HSPB8: variants seen among roughly 807,000 people sequenced by gnomAD.
HSPB8 encodes heat shock protein family B (small) member 8.
In HSPB8, 9 loss-of-function variants were observed where a neutral mutation model predicts 16.5. That is an observed-to-expected ratio of 0.55 (90% CI 0.33 to 0.95). HSPB8 has a LOEUF of 0.95. HSPB8 is among the 40% of genes least tolerant of loss of function. The pLI, the probability that HSPB8 is intolerant of heterozygous loss-of-function variation, is 0.03. For synonymous variants in HSPB8, 99 were observed against 94.8 expected, an observed-to-expected ratio of 1.04 and a Z score of -0.26; for missense variants, 238 against 251.2, an observed-to-expected ratio of 0.95 and a Z score of 0.35.
Position 119,179,242 on chromosome 12 carries a change from T to C in HSPB8, c.-71T>C. 3 of 1,495,092 alleles carry C rather than the reference T, an allele frequency of 2.0e-6. No homozygotes were observed. The highest frequency in any genetic ancestry group is 1.9e-6 in the Non-Finnish European group (2 of 1,077,588). 92.6% of individuals were successfully genotyped at this position (1,495,092 alleles called of 1,614,324 possible). A position where few individuals can be genotyped will look rare whatever the true frequency, so the allele number is the denominator to read the frequency against. ...AATAAGCTAGCCCAGCCACACCACC[T>C]TGTTGTGTGACCTTGGGCAGGTGGT... On this transcript the variant is annotated 5_prime_UTR_variant, in exon 1 of 3. Coordinates refer to ENST00000281938, the MANE Select transcript of HSPB8 (RefSeq NM_014365.3).
chr12:119,183,801 A>C (rs1954654622), intron 1 of HSPB8, among the ~76,000 whole-genome samples: 1 of 152,080 alleles, frequency 6.6e-6, no homozygotes, highest in Non-Finnish European at 1.5e-5. Context: ...GAAATCTTGG[A>C]GCTTTCCCTG....
At chr12:119,193,308 A>T (rs1051180020) in intron 2 of HSPB8, among the ~76,000 whole-genome samples, 5 of 152,182 alleles carry the variant, frequency 3.3e-5, no homozygotes, top group African/African-American at 1.2e-4. Context: ...TAGTGGTGCC[A>T]TTTCTGCTAG....
At chr12:119,188,838 C>T (rs1052006186) in intron 2 of HSPB8, among the ~76,000 whole-genome samples, 6 of 152,164 alleles carry the variant, frequency 3.9e-5, no homozygotes, top group African/African-American at 1.2e-4. Flanking sequence ...CATGGCCCAG[C>T]GTAGGTCCTC....
In HSPB8 at chr12:119,179,408, T is replaced by A; in HGVS notation, c.96T>A (p.Asp32Glu). 1 of 1,614,118 alleles carries A rather than the reference T, an allele frequency of 6.2e-7. No homozygotes were observed. The highest frequency in any genetic ancestry group is 1.1e-5 in the South Asian group (1 of 91,074). Residue 32 changes from aspartate (D) to glutamate (E), a missense_variant, in exon 1 of 3, where the codon GAT becomes GAA. By Grantham distance (45) the Asp-to-Glu change is conservative. Coordinates refer to ENST00000281938, the MANE Select transcript of HSPB8 (RefSeq NM_014365.3). ...RDSPLSSRLL[D>E]DGFGMDPFPD... is the part of the protein sequence containing the mutation. ...CTCCCCTCTCCTCTCGCCTGCTGGA[T>A]GATGGCTTTGGCATGGACCCCTTCC...
At position 119,194,013 on chromosome 12, in the gene HSPB8, G is replaced by A; in HGVS notation, c.*155G>A. ...CCACAGATTCCCTGGATAGTGTAGT[G>A]GTAGATTTCTCCACAGGATAGCGCA... is the stretch of plus-strand genomic sequence containing the variant. On this transcript the variant is annotated 3_prime_UTR_variant, in exon 3 of 3. Coordinates refer to ENST00000281938, the MANE Select transcript of HSPB8 (RefSeq NM_014365.3). The A allele has an allele frequency of 1.2e-6, 1 of 822,904 alleles. No individual in the cohort carries two copies. The highest frequency in any genetic ancestry group is 1.5e-5 in the South Asian group (1 of 68,660). The allele number at this position is 822,904 out of a possible 1,614,324, so 51.0% of individuals were successfully genotyped here. A position where few individuals can be genotyped will look rare whatever the true frequency, so the allele number is the denominator to read the frequency against.
chr12:119,185,707 C>T (rs540522231), intron 1 of HSPB8, among the ~76,000 whole-genome samples: 88 of 152,148 alleles, frequency 5.8e-4, no homozygotes, highest in African/African-American at 2.1e-3. Flanking sequence ...CTCCTGGCCT[C>T]GAGTCATCCT....
rs754447057 is a variant in HSPB8 at position 119,178,999 on chromosome 12, T to C, written c.-314T>C. The C allele has an allele frequency of 1.6e-4, 76 of 474,624 alleles. No individual in the cohort carries two copies. In the Middle Eastern group the frequency reaches 1.9e-3, roughly 12 times the overall value. The allele number at this position is 474,624 out of a possible 1,614,324, so 29.4% of individuals were successfully genotyped here. The stretch of plus-strand genomic sequence containing the variant: ...CTGGCTCCGCTCTAGACCTCAGCGG[T>C]TCTGGCTGCCAGCCTGGGCAGCCTG... On this transcript the variant is annotated 5_prime_UTR_variant, in exon 1 of 3. Coordinates refer to ENST00000281938, the MANE Select transcript of HSPB8 (RefSeq NM_014365.3).
intron 1 of HSPB8, among the ~76,000 whole-genome samples, chr12:119,182,593 G>A (rs187016766): frequency 1.2e-4 from 18 of 152,176 alleles, no homozygotes; most frequent in Admixed American, 1.0e-3. Flanking sequence ...AGCTGAGACC[G>A]TGCCACTGCA....
At chr12:119,185,715 C>T (rs1347746523) in intron 1 of HSPB8, among the ~76,000 whole-genome samples, 1 of 152,098 alleles carries the variant, frequency 6.6e-6, no homozygotes, top group Non-Finnish European at 1.5e-5. Context: ...CTCGAGTCAT[C>T]CTCCTGTCTC....
At chr12:119,188,484 G>A (rs1208091395) in intron 2 of HSPB8, among the ~76,000 whole-genome samples, 3 of 151,854 alleles carry the variant, frequency 2.0e-5, no homozygotes, top group Admixed American at 2.0e-4. Flanking sequence ...CTGACTTCAA[G>A]TGATCTGCCC....
chr12:119,186,319 T>C (rs934746907), intron 1 of HSPB8, among the ~76,000 whole-genome samples: 5 of 152,176 alleles, frequency 3.3e-5, no homozygotes, highest in African/African-American at 1.2e-4. Context: ...TTCCAGGCTG[T>C]GCTTTCACTA....
chr12:119,194,148 A>G lies in HSPB8; in HGVS notation c.*290A>G, dbSNP rs1191947734. 2 of 449,562 alleles carry G rather than the reference A, an allele frequency of 4.4e-6. No homozygotes were observed. The highest frequency in any genetic ancestry group is 8.2e-6 in the Non-Finnish European group (2 of 243,124). The allele number at this position is 449,562 out of a possible 1,614,324, so 27.8% of individuals were successfully genotyped here. A position where few individuals can be genotyped will look rare whatever the true frequency, so the allele number is the denominator to read the frequency against. On this transcript the variant is annotated 3_prime_UTR_variant, in exon 3 of 3. Transcript: ENST00000281938. ...ATTCTATAGTTGCAAAACACATAAA[A>G]GGGGACTTAACATTTCACGTTGTAT...
chr12:119,191,526 CA>C (rs1954711931), intron 2 of HSPB8, among the ~76,000 whole-genome samples: 1 of 151,320 alleles, frequency 6.6e-6, no homozygotes, highest in Non-Finnish European at 1.5e-5. Flanking sequence ...TCCAATCTGG[CA>C]AGGAATCTCC....
Position 119,179,230 on chromosome 12 carries a change from A to C in HSPB8, c.-83A>C. On this transcript the variant is annotated 5_prime_UTR_variant, in exon 1 of 3. Coordinates refer to ENST00000281938, the MANE Select transcript of HSPB8 (RefSeq NM_014365.3). Reference sequence around the variant, plus strand: ...CGGAAGCTGAAGAATAAGCTAGCCCAGCCACACCACCTTGTTGTGTGACCT... The same window carrying C: ...CGGAAGCTGAAGAATAAGCTAGCCCCGCCACACCACCTTGTTGTGTGACCT... The C allele has an allele frequency of 1.4e-6, 2 of 1,430,668 alleles. No homozygotes were observed. The highest frequency in any genetic ancestry group is 3.4e-5 in the Admixed American group (2 of 59,546). The allele number at this position is 1,430,668 out of a possible 1,614,324, so 88.6% of individuals were successfully genotyped here.
At chr12:119,184,487 G>A (rs1409480397) in intron 1 of HSPB8, among the ~76,000 whole-genome samples, 2 of 152,206 alleles carry the variant, frequency 1.3e-5, no homozygotes, top group Non-Finnish European at 2.9e-5. Flanking sequence ...CCCTGGCTGT[G>A]GGGAGGGTAC....
Position 119,178,936 on chromosome 12 carries a change from A to C in HSPB8, c.-377A>C. The C allele has an allele frequency of 3.0e-6, 1 of 328,202 alleles. No individual in the cohort carries two copies. The highest frequency in any genetic ancestry group is 3.1e-5 in the South Asian group (1 of 32,350). 20.3% of individuals were successfully genotyped at this position (328,202 alleles called of 1,614,324 possible). A position where few individuals can be genotyped will look rare whatever the true frequency, so the allele number is the denominator to read the frequency against. ...CTTGCAGCCCAGAAGGAGCCAGAAG[A>C]AGTTTCTAGGCGCGCGTGCCCTGGG... On this transcript the variant is annotated 5_prime_UTR_variant, in exon 1 of 3. Transcript: ENST00000281938.
At chr12:119,191,478 A>G (rs1427998017) in intron 2 of HSPB8, among the ~76,000 whole-genome samples, 1 of 151,906 alleles carries the variant, frequency 6.6e-6, no homozygotes, top group African/African-American at 2.4e-5. Flanking sequence ...TTTCTTCCAA[A>G]TGGGCTTCCC....
At chr12:119,186,869 G>A (rs1954679381) in intron 1 of HSPB8, 156 bp from the exon 2 acceptor site, 9 of 730,122 alleles carry the variant, frequency 1.2e-5, no homozygotes, top group Admixed American at 7.7e-5. Context: ...CTGTATGGCA[G>A]ACAAGGTCCT....
chr12:119,193,478 T>C (rs1954724490), intron 2 of HSPB8, among the ~76,000 whole-genome samples: 1 of 152,158 alleles, frequency 6.6e-6, no homozygotes, highest in African/African-American at 2.4e-5. Context: ...ACAAGTTCAG[T>C]ATTATTATCC....
Sources: allele counts gnomAD v4.1 joint callset (sites outside exome capture counted in the v4.1 genomes callset), GRCh38; gene constraint gnomAD v4.1.1; transcripts MANE v1.5; gene names NCBI Gene and HGNC (gene_info 2026-07-23, HGNC 2026-07-21).